Variants in ADAMTS20 observed in about 807,000 individuals in gnomAD.
ADAMTS20 encodes A disintegrin and metalloproteinase with thrombospondin motifs 20.
In ADAMTS20, 225 loss-of-function variants were observed where a neutral mutation model predicts 260.1. The observed-to-expected ratio is 0.87, with a 90% CI of 0.78 to 0.97. The LOEUF is 0.97. Among genes scored for constraint, ADAMTS20 ranks in the 50% least tolerant of loss-of-function variants. The pLI is 0.00. For missense variants in ADAMTS20, 2,400 were observed against 2,337.7 expected, an observed-to-expected ratio of 1.03 and a Z score of -0.55; for synonymous variants, 802 against 769.5, an observed-to-expected ratio of 1.04 and a Z score of -0.70.
chr12:43,454,168 G>T, intron 11 of ADAMTS20, 116 bp from the exon 12 acceptor site: 2 of 1,154,044 alleles, frequency 1.7e-6, no homozygotes, highest in Non-Finnish European at 2.4e-6. Context: ...TTTGAAGCTA[G>T]CTGTTATTAA....
intron 3 of ADAMTS20, among the ~76,000 whole-genome samples, chr12:43,523,544 G>A (rs1047625118): frequency 6.6e-6 from 1 of 152,162 alleles, no homozygotes; most frequent in African/African-American, 2.4e-5. Flanking sequence ...CTTGAAAGCT[G>A]CTGTTGGGTT....
At chr12:43,387,190 T>C (rs142521250) in intron 29 of ADAMTS20, among the ~76,000 whole-genome samples, 21 of 152,228 alleles carry the variant, frequency 1.4e-4, no homozygotes, top group Admixed American at 2.6e-4. Context: ...CGTCCTTTTG[T>C]TGATGTTCAT....
intron 3 of ADAMTS20, among the ~76,000 whole-genome samples, chr12:43,528,060 C>T (rs151272778): frequency 6.6e-6 from 1 of 151,610 alleles, no homozygotes; most frequent in Non-Finnish European, 1.5e-5. Flanking sequence ...AAGCTGAGAG[C>T]CAAATCAAGA....
intron 37 of ADAMTS20, among the ~76,000 whole-genome samples, chr12:43,358,914 G>C (rs1939808475): frequency 6.6e-6 from 1 of 150,524 alleles, no homozygotes; most frequent in African/African-American, 2.5e-5. Flanking sequence ...ATTCCTATAG[G>C]ATTTTAGAAG....
rs537998767 is a variant in ADAMTS20 at position 43,511,918 on chromosome 12, T to C, written c.614-9513A>G. 2.0e-4 allele frequency among the ~76,000 whole-genome samples: 30 copies of C among 152,130 alleles called. No individual in the cohort carries two copies. The South Asian group carries it at 6.2e-3, about 32-fold the overall frequency. ...ACAGATCAAATACCTGGGTGACCCT[T>C]GAGATAAAGTGTGACCATATCAGAT... On this transcript the variant is annotated intron_variant, in intron 3 of 38. Coordinates refer to ENST00000389420, the MANE Select transcript of ADAMTS20 (RefSeq NM_025003.5).
In ADAMTS20 at chr12:43,432,851, A is replaced by G. The variant is rs767671961; in HGVS notation, c.2721-40T>C. The G allele has an allele frequency of 2.7e-6, 4 of 1,507,616 alleles. No individual in the cohort carries two copies. The African/African-American group carries it at 5.5e-5, about 21-fold the overall frequency. The allele number at this position is 1,507,616 out of a possible 1,614,324, so 93.4% of individuals were successfully genotyped here. ...TTACTATACTTAGGAGGTATATTAC[A>G]TAATTTAAAAACAGATTCAGAGACA... is the stretch of plus-strand genomic sequence containing the variant. On this transcript the variant is annotated intron_variant, in intron 19 of 38. Coordinates refer to ENST00000389420, the MANE Select transcript of ADAMTS20 (RefSeq NM_025003.5).
chr12:43,551,335 T>G lies in ADAMTS20; in HGVS notation c.92-65A>C, dbSNP rs1333315737. The G allele has an allele frequency of 6.5e-7, 1 of 1,547,138 alleles. No homozygotes were observed. Among genetic ancestry groups the G allele is most frequent in the African/African-American group, 1.4e-5 (1 of 73,318 alleles). Reference sequence around the variant, plus strand: ...TCCTCATTGTCCAACTCTAAACTTCTTCCACCAAACGTCCCCGCTAAAGGT... The same window carrying G: ...TCCTCATTGTCCAACTCTAAACTTCGTCCACCAAACGTCCCCGCTAAAGGT... On this transcript the variant is annotated intron_variant, in intron 1 of 38. Transcript: ENST00000389420. This position sits in a 1 kb window ranked among gnomAD's most constrained non-coding sequence, Gnocchi z 4.6.
At chr12:43,367,832 G>T (rs1364978164) in intron 37 of ADAMTS20, among the ~76,000 whole-genome samples, 1 of 151,964 alleles carries the variant, frequency 6.6e-6, no homozygotes, top group Non-Finnish European at 1.5e-5. Context: ...CAGCAAAGTT[G>T]CAGAATTCAA....
chr12:43,469,434 C>T (rs1316980710), intron 7 of ADAMTS20, among the ~76,000 whole-genome samples: 1 of 151,988 alleles, frequency 6.6e-6, no homozygotes, highest in Non-Finnish European at 1.5e-5. Flanking sequence ...TATATGCAGT[C>T]CTCTAAAAAT....
At chr12:43,535,135 T>C (rs1359879297) in intron 2 of ADAMTS20, among the ~76,000 whole-genome samples, 5 of 152,166 alleles carry the variant, frequency 3.3e-5, no homozygotes, top group Middle Eastern at 3.2e-3. Flanking sequence ...ATTTATCATA[T>C]GTTGCATTTA....
intron 31 of ADAMTS20, among the ~76,000 whole-genome samples, chr12:43,380,296 G>A (rs1430696000): frequency 6.6e-6 from 1 of 152,100 alleles, no homozygotes; most frequent in Non-Finnish European, 1.5e-5. Context: ...TCTTCAATCT[G>A]ATAAAGGGAA....
intron 28 of ADAMTS20, among the ~76,000 whole-genome samples, chr12:43,412,638 C>T (rs549794727): frequency 5.5e-4 from 83 of 152,142 alleles, no homozygotes; most frequent in South Asian, 4.6e-3. Context: ...GAGCCACTAT[C>T]CGTGAGCCAG....
chr12:43,359,555 C>T (rs1338634476), intron 37 of ADAMTS20, among the ~76,000 whole-genome samples: 1 of 152,030 alleles, frequency 6.6e-6, no homozygotes, highest in Non-Finnish European at 1.5e-5. Context: ...AATAAGCTTA[C>T]AAAAGAAGAA....
At chr12:43,353,377 A>G (rs113740312), downstream of ADAMTS20, among the ~76,000 whole-genome samples, 7 of 151,996 alleles carry the variant, frequency 4.6e-5, no homozygotes, top group Non-Finnish European at 1.0e-4. Context: ...AATACAGTAC[A>G]TAACTTTGAG....
chr12:43,381,357 A>C (rs1052786491), intron 31 of ADAMTS20, among the ~76,000 whole-genome samples: 1 of 152,134 alleles, frequency 6.6e-6, no homozygotes, highest in African/African-American at 2.4e-5. Flanking sequence ...AAAAAACAAA[A>C]TAAATTTCAC....
chr12:43,430,228 C>T (rs1051829618), intron 23 of ADAMTS20, 124 bp downstream of exon 23: 168 of 1,162,652 alleles, frequency 1.4e-4, no homozygotes, highest in Non-Finnish European at 1.9e-4. Context: ...CTCTCTCTCA[C>T]ACATACACGT....
At chr12:43,384,979 G>T (rs1940440259) in intron 29 of ADAMTS20, among the ~76,000 whole-genome samples, 1 of 152,068 alleles carries the variant, frequency 6.6e-6, no homozygotes, top group South Asian at 2.1e-4. Context: ...ACCAAAAATG[G>T]GATTGCTGGG....
At chr12:43,416,428 A>G (rs1941130831) in intron 28 of ADAMTS20, among the ~76,000 whole-genome samples, 1 of 151,858 alleles carries the variant, frequency 6.6e-6, no homozygotes, top group Non-Finnish European at 1.5e-5. Flanking sequence ...TCTTCTTGAC[A>G]TGGCCTTAAT....
At chr12:43,479,775 A>G (rs1358558224) in intron 7 of ADAMTS20, among the ~76,000 whole-genome samples, 6 of 152,166 alleles carry the variant, frequency 3.9e-5, no homozygotes, top group Non-Finnish European at 8.8e-5. Flanking sequence ...CAACTTACAA[A>G]TAGAACAGCA....
Sources: allele counts gnomAD v4.1 joint callset (sites outside exome capture counted in the v4.1 genomes callset), GRCh38; gene constraint gnomAD v4.1.1; non-coding constraint Gnocchi (gnomAD v3.1); transcripts MANE v1.5; gene names NCBI Gene and HGNC (gene_info 2026-07-23, HGNC 2026-07-21).